Variants in LZTFL1 observed in about 807,000 individuals in gnomAD.
The protein encoded by LZTFL1 is leucine zipper transcription factor like 1.
Under a neutral mutation model 45.9 loss-of-function variants are expected in LZTFL1, and 25 were observed. The observed-to-expected ratio is 0.54, with a 90% CI of 0.40 to 0.76. The LOEUF is 0.76. Ranked by LOEUF, LZTFL1 falls within the 30% of genes least tolerant of loss-of-function variation. The pLI is 0.00. For synonymous variants in LZTFL1, 93 were observed against 117.4 expected, an observed-to-expected ratio of 0.79 and a Z score of 1.35; for missense variants, 277 against 331.1, an observed-to-expected ratio of 0.84 and a Z score of 1.27.
intron 2 of LZTFL1, among the ~76,000 whole-genome samples, chr3:45,882,114 AG>A (rs2125727838): frequency 6.6e-6 from 1 of 152,358 alleles, no homozygotes; most frequent in Non-Finnish European, 1.5e-5. Context: ...TAGATCCTCA[AG>A]ACTTATATCA....
At chr3:45,830,717 G>A (rs1700789966) in intron 7 of LZTFL1, among the ~76,000 whole-genome samples, 196 bp downstream of exon 7, 1 of 152,148 alleles carries the variant, frequency 6.6e-6, no homozygotes, top group Non-Finnish European at 1.5e-5. Flanking sequence ...CTGCCCTAGA[G>A]GATGGACAGA....
intron 2 of LZTFL1, among the ~76,000 whole-genome samples, chr3:45,908,978 G>A (rs1016425860): frequency 2.0e-5 from 3 of 152,110 alleles, no homozygotes; most frequent in East Asian, 3.9e-4. Context: ...CACCGCCTGA[G>A]CTTCGCCAAC....
At chr3:45,864,025 T>C (rs1166524149) in intron 2 of LZTFL1, among the ~76,000 whole-genome samples, 1 of 152,222 alleles carries the variant, frequency 6.6e-6, no homozygotes, top group Non-Finnish European at 1.5e-5. Context: ...TTGGGGGCAA[T>C]GTCATGCATG....
At chr3:45,834,397 G>C in intron 3 of LZTFL1, 99 bp from the exon 4 acceptor site, 2 of 733,892 alleles carry the variant, frequency 2.7e-6, no homozygotes, top group South Asian at 3.4e-5. Context: ...TTACATGCCA[G>C]AGAGAACAGA....
chr3:45,830,448 C>G (rs1422595809), intron 7 of LZTFL1, among the ~76,000 whole-genome samples: 1 of 152,154 alleles, frequency 6.6e-6, no homozygotes, highest in African/African-American at 2.4e-5. Flanking sequence ...GATTCATAAT[C>G]ATTTTGTCAC....
chr3:45,889,492 T>C (rs2125739191), intron 2 of LZTFL1, among the ~76,000 whole-genome samples: 1 of 150,720 alleles, frequency 6.6e-6, no homozygotes, highest in East Asian at 1.9e-4. Context: ...TTCTTCTTCT[T>C]TTTTTTTTAA....
chr3:45,874,042 C>G (rs1042454366), intron 2 of LZTFL1, among the ~76,000 whole-genome samples: 1 of 152,210 alleles, frequency 6.6e-6, no homozygotes, highest in African/African-American at 2.4e-5. Flanking sequence ...ACTAATTCTA[C>G]AAGTACTTAT....
chr3:45,866,364 A>G (rs775957889), intron 2 of LZTFL1, among the ~76,000 whole-genome samples: 3 of 152,196 alleles, frequency 2.0e-5, no homozygotes, highest in Non-Finnish European at 2.9e-5. Context: ...TGTAAAAATG[A>G]AGACGAAAAA....
At chr3:45,870,139 AGC>A (rs1285287742) in intron 2 of LZTFL1, among the ~76,000 whole-genome samples, 4 of 152,248 alleles carry the variant, frequency 2.6e-5, no homozygotes, top group Non-Finnish European at 5.9e-5. Context: ...TCTCAAGCTC[AGC>A]CTGGCAGGAG....
chr3:45,883,949 T>C (rs1244305304), intron 2 of LZTFL1: 2 of 390,144 alleles, frequency 5.1e-6, no homozygotes, highest in East Asian at 5.4e-5. Context: ...ACCAGAAAGG[T>C]GGCTCAGTGA....
chr3:45,877,232 CT>C (rs565054826), intron 2 of LZTFL1, among the ~76,000 whole-genome samples: 269 of 139,012 alleles, frequency 1.9e-3, no homozygotes, highest in East Asian at 2.7e-3. Context: ...ACAAGCATCT[CT>C]TTTTTTTTTT....
chr3:45,873,253 A>T (rs1293750543), intron 2 of LZTFL1, among the ~76,000 whole-genome samples: 1 of 152,232 alleles, frequency 6.6e-6, no homozygotes, highest in Non-Finnish European at 1.5e-5. Flanking sequence ...GAAATTCTGC[A>T]TTTCCAACAA....
Position 45,824,356 on chromosome 3 carries a change from T to C in LZTFL1, c.*1958A>G, listed in dbSNP as rs1366284666. The C allele has an allele frequency of 6.7e-6, 1 of 148,998 alleles. No individual in the cohort carries two copies. The highest frequency in any genetic ancestry group is 2.5e-5 in the African/African-American group (1 of 39,534). 9.2% of individuals were successfully genotyped at this position (148,998 alleles called of 1,614,324 possible). On this transcript the variant is annotated 3_prime_UTR_variant, in exon 10 of 10. Transcript: ENST00000296135. ...TAAAACTGTATTTTGCTAAAGGGTA[T>C]AGAGTAAATAACAACAACAACAACA...
intron 2 of LZTFL1, among the ~76,000 whole-genome samples, chr3:45,911,664 C>T (rs1158196836): frequency 6.6e-6 from 1 of 152,258 alleles, no homozygotes; most frequent in African/African-American, 2.4e-5. Flanking sequence ...TGGGCCAGCC[C>T]CTAGGCAGGG....
chr3:45,863,630 G>A lies in LZTFL1; in HGVS notation c.-214-4614C>T, dbSNP rs140778572. 5.6e-3 allele frequency among the ~76,000 whole-genome samples: 848 copies of A among 152,256 alleles called. 6 individuals are homozygous for A. The highest frequency in any genetic ancestry group is 6.3e-3 in the Non-Finnish European group (431 of 68,014). On this transcript the variant is annotated intron_variant, in intron 2 of 4. Coordinates refer to the LZTFL1 transcript ENST00000472635. ...CCTGTGACGCAGTCTAGCCAAAGAT[G>A]TTTAACTTGGGTCTAATCAATATGT...
intron 2 of LZTFL1, among the ~76,000 whole-genome samples, chr3:45,872,470 A>C (rs1701685680): frequency 6.6e-6 from 1 of 152,164 alleles, no homozygotes; most frequent in Non-Finnish European, 1.5e-5. Context: ...GGAGATGCTA[A>C]TTTATGAGCG....
At position 45,890,345 on chromosome 3, in the gene LZTFL1, T is replaced by C. The variant is rs1384423592; in HGVS notation, c.-215+22775A>G. Among the ~76,000 whole-genome samples, 5 of 74,874 alleles carry C rather than the reference T, an allele frequency of 6.7e-5. 1 individual carries two copies. The highest frequency in any genetic ancestry group is 1.0e-4 in the Non-Finnish European group (5 of 47,914). The allele number at this position is 74,874 out of a possible 152,430, so 49.1% of individuals were successfully genotyped here. On this transcript the variant is annotated intron_variant, in intron 2 of 4. Coordinates refer to the LZTFL1 transcript ENST00000472635. ...TATAAATATATATATAACATATATA[T>C]ATAACATATATATATATATAACATA...
intron 2 of LZTFL1, among the ~76,000 whole-genome samples, chr3:45,876,574 C>G (rs181645172): frequency 3.3e-5 from 5 of 152,318 alleles, no homozygotes; most frequent in African/African-American, 1.2e-4. Flanking sequence ...GAAAGTACCT[C>G]TACTGAGCAT....
chr3:45,844,507 G>A (rs570581988), upstream of LZTFL1, among the ~76,000 whole-genome samples: 5 of 152,274 alleles, frequency 3.3e-5, no homozygotes, highest in South Asian at 2.1e-4. Flanking sequence ...GGTTATATGG[G>A]AAAGAGAAAA....
Sources: gnomAD v4.1 joint callset for allele counts (sites outside exome capture counted in the v4.1 genomes callset) on GRCh38, gnomAD v4.1.1 for gene constraint, MANE v1.5 for transcripts, NCBI Gene and HGNC (gene_info 2026-07-23, HGNC 2026-07-21) for gene names.